Variants in RABGAP1L observed in about 807,000 individuals in gnomAD.
RABGAP1L encodes RAB GTPase activating protein 1 like, also known as rab GTPase-activating protein 1-like.
Under a neutral mutation model 137.7 loss-of-function variants are expected in RABGAP1L, and 63 were observed. The observed-to-expected ratio is 0.46, with a 90% CI of 0.37 to 0.56. The LOEUF (loss-of-function observed/expected upper bound fraction) is 0.56, where lower values mean the gene tolerates loss of function less well. Among genes scored for constraint, RABGAP1L ranks in the 20% least tolerant of loss-of-function variants. RABGAP1L has a pLI of 0.00. For synonymous variants in RABGAP1L, 431 were observed against 433.7 expected (o/e 0.99, Z 0.08); for missense variants, 1,095 against 1,244.0 (o/e 0.88, Z 1.80).
At chr1:174,328,008 T>TAC (rs1680689760) in intron 11 of RABGAP1L, among the ~76,000 whole-genome samples, 2 of 125,946 alleles carry the variant, frequency 1.6e-5, no homozygotes, top group African/African-American at 8.2e-5. Context: ...TATATATATA[T>TAC]ATATATATAT....
rs1671965469 is a variant in RABGAP1L at position 174,990,178 on chromosome 1, C to T, written c.*177C>T. 1.3e-6 allele frequency: 1 copy of T among 786,520 alleles called. No individual in the cohort carries two copies. The highest frequency in any genetic ancestry group is 1.9e-5 in the South Asian group (1 of 51,552). The allele number at this position is 786,520 out of a possible 1,614,324, so 48.7% of individuals were successfully genotyped here. A position where few individuals can be genotyped will look rare whatever the true frequency, so the allele number is the denominator to read the frequency against. On this transcript the variant is annotated 3_prime_UTR_variant, in exon 26 of 26. Coordinates refer to ENST00000681986, the MANE Select transcript of RABGAP1L (RefSeq NM_001366446.1). Reference sequence around the variant, plus strand: ...TCAAAGGGATGCTATTTAAACTGACCTGTTCTATGTTGAATACCTATTTTC... The same window carrying T: ...TCAAAGGGATGCTATTTAAACTGACTTGTTCTATGTTGAATACCTATTTTC...
chr1:174,616,618 G>A (rs1671903525), intron 13 of RABGAP1L, among the ~76,000 whole-genome samples: 1 of 152,208 alleles, frequency 6.6e-6, no homozygotes. Flanking sequence ...GATTAAGTGA[G>A]GAAAAGGGAG....
intron 19 of RABGAP1L, among the ~76,000 whole-genome samples, chr1:174,910,783 G>A (rs527856101): frequency 1.3e-5 from 2 of 152,106 alleles, no homozygotes; most frequent in Non-Finnish European, 2.9e-5. Context: ...GTATCTGTTT[G>A]AGTCCCTGTT....
chr1:174,555,917 T>C (rs1263364717), intron 13 of RABGAP1L, among the ~76,000 whole-genome samples: 1 of 151,572 alleles, frequency 6.6e-6, no homozygotes, highest in East Asian at 1.9e-4. Context: ...AAAAGAAAGG[T>C]ATTAGGGACT....
At chr1:174,259,925 C>T (rs907452945) in intron 7 of RABGAP1L, among the ~76,000 whole-genome samples, 3 of 151,732 alleles carry the variant, frequency 2.0e-5, no homozygotes. Flanking sequence ...ACCTCTGCCT[C>T]CCGGGTTCAA....
chr1:174,847,361 G>T (rs1448444568), intron 19 of RABGAP1L, among the ~76,000 whole-genome samples: 6 of 151,584 alleles, frequency 4.0e-5, no homozygotes, highest in Non-Finnish European at 8.8e-5. Flanking sequence ...TGCAGCGGCT[G>T]GTACCGGTTG....
chr1:174,315,098 T>C (rs1679240763), intron 11 of RABGAP1L, among the ~76,000 whole-genome samples: 1 of 152,076 alleles, frequency 6.6e-6, no homozygotes, highest in African/African-American at 2.4e-5. Context: ...GGTTTGAAGG[T>C]ATTATTGTGT....
intron 11 of RABGAP1L, among the ~76,000 whole-genome samples, chr1:174,327,994 T>TATATATATATATATATACAC: frequency 2.6e-5 from 2 of 77,394 alleles, no homozygotes; most frequent in East Asian, 3.5e-4. Flanking sequence ...CACATATATA[T>TATATATATATATATATACAC]ATATATATAT....
intron 15 of RABGAP1L, among the ~76,000 whole-genome samples, chr1:174,699,314 A>G (rs775900711): frequency 1.3e-5 from 2 of 152,166 alleles, no homozygotes; most frequent in African/African-American, 4.8e-5. Flanking sequence ...AGCCTAATGA[A>G]TGAATGACAA....
chr1:174,848,997 GCGTC>G (rs879477559), intron 19 of RABGAP1L, among the ~76,000 whole-genome samples: 5 of 152,058 alleles, frequency 3.3e-5, no homozygotes, highest in Admixed American at 2.0e-4. Flanking sequence ...TTTTCCAGGT[GCGTC>G]CGTCACCGCT....
intron 1 of RABGAP1L, among the ~76,000 whole-genome samples, chr1:174,216,381 T>C (rs1359445633): frequency 6.6e-6 from 1 of 152,146 alleles, no homozygotes; most frequent in Non-Finnish European, 1.5e-5. Context: ...ATGCATTTCA[T>C]GCCTATGTAA....
At chr1:174,729,105 C>T (rs1019649512) in intron 17 of RABGAP1L, among the ~76,000 whole-genome samples, 1 of 152,112 alleles carries the variant, frequency 6.6e-6, no homozygotes, top group African/African-American at 2.4e-5. Context: ...ATCAAAACAA[C>T]GTGGTACTGG....
At chr1:174,872,223 G>A (rs572455489) in intron 19 of RABGAP1L, among the ~76,000 whole-genome samples, 1 of 152,034 alleles carries the variant, frequency 6.6e-6, no homozygotes, top group East Asian at 1.9e-4. Flanking sequence ...GAGATAGGAA[G>A]GATAATGAGC....
chr1:174,461,100 C>G (rs1656636677), intron 13 of RABGAP1L, among the ~76,000 whole-genome samples: 2 of 152,162 alleles, frequency 1.3e-5, no homozygotes, highest in African/African-American at 4.8e-5. Flanking sequence ...TTCATTGTAT[C>G]TTGTGTGTGC....
intron 19 of RABGAP1L, among the ~76,000 whole-genome samples, chr1:174,885,603 C>T (rs941974657): frequency 6.6e-6 from 1 of 152,010 alleles, no homozygotes; most frequent in Non-Finnish European, 1.5e-5. Flanking sequence ...TGATCCTCCC[C>T]CCTCGGCCTC....
chr1:174,287,021 A>T (rs1411736948), intron 10 of RABGAP1L, among the ~76,000 whole-genome samples: 1 of 151,900 alleles, frequency 6.6e-6, no homozygotes, highest in Non-Finnish European at 1.5e-5. Context: ...GTTGGATAGG[A>T]TGTTCTTTAT....
At chr1:174,810,076 A>G (rs1689725457) in intron 18 of RABGAP1L, among the ~76,000 whole-genome samples, 1 of 152,188 alleles carries the variant, frequency 6.6e-6, no homozygotes, top group Non-Finnish European at 1.5e-5. Flanking sequence ...ACCTTTGTGA[A>G]ACTGCCTGGT....
intron 20 of RABGAP1L, among the ~76,000 whole-genome samples, chr1:174,966,071 T>G (rs1400237978): frequency 6.6e-6 from 1 of 152,220 alleles, no homozygotes; most frequent in African/African-American, 2.4e-5. Context: ...TGGTATGATT[T>G]CTAAATACTT....
intron 13 of RABGAP1L, chr1:174,548,613 TCTGCA>T: frequency 1.1e-6 from 1 of 921,948 alleles, no homozygotes; most frequent in Non-Finnish European, 1.3e-6. Flanking sequence ...GCAGAGGGCT[TCTGCA>T]TACCACCCAT....
Sources: allele counts gnomAD v4.1 joint callset (sites outside exome capture counted in the v4.1 genomes callset), GRCh38; gene constraint gnomAD v4.1.1; transcripts MANE v1.5; gene names NCBI Gene and HGNC (gene_info 2026-07-23, HGNC 2026-07-21).